The following SPEG variants were observed in gnomAD, a reference collection of about 807,000 sequenced individuals.
SPEG encodes the protein striated muscle enriched protein kinase.
Under a neutral mutation model 300.4 loss-of-function variants are expected in SPEG, and 114 were observed. The ratio of observed to expected loss-of-function variants is 0.38; its 90% CI spans 0.33 to 0.44. The LOEUF is 0.44. Among genes scored for constraint, SPEG ranks in the 20% least tolerant of loss-of-function variants. SPEG has a pLI of 1.00. For synonymous variants in SPEG, 1,964 were observed against 2,018.9 expected (o/e 0.97, Z 0.73); for missense variants, 4,201 against 4,586.2 (o/e 0.92, Z 2.43).
intron 3 of SPEG, among the ~76,000 whole-genome samples, chr2:219,447,299 CG>C (rs920144395): frequency 6.6e-6 from 1 of 151,992 alleles, no homozygotes; most frequent in African/African-American, 2.4e-5. Flanking sequence ...AAAGGCCTAT[CG>C]GGGGGCAGAC....
chr2:219,486,657 C>T (rs6726806), intron 31 of SPEG, among the ~76,000 whole-genome samples: 39,559 of 152,104 alleles, frequency 0.26, 5,287 homozygotes, highest in South Asian at 0.44. Flanking sequence ...GCAGTGTCCC[C>T]TTACCTCATC....
chr2:219,466,521 A>G (rs1575115319), intron 9 of SPEG: 1 of 1,091,458 alleles, frequency 9.2e-7, no homozygotes, highest in East Asian at 6.9e-5. Flanking sequence ...GAGGGGCCCA[A>G]GGAGCAGGGG....
rs1461783234 is a variant in SPEG, at chr2:219,459,014, GA to G, written c.2441-2865del. ...TTGTGAGAACACATCAGGGGACGCT[GA>G]AACAGTTGGGGTCGGTGGATGTGCT... On this transcript the variant is annotated intron_variant, in intron 6 of 40. Coordinates refer to ENST00000312358, the MANE Select transcript of SPEG (RefSeq NM_005876.5). The surrounding 1 kb of genome is among the most constrained non-coding windows in gnomAD (Gnocchi z 4.9). Among the ~76,000 whole-genome samples, 1 of 152,230 alleles carries G rather than the reference GA, an allele frequency of 6.6e-6. No individual in the cohort carries two copies. The highest frequency in any genetic ancestry group is 1.5e-5 in the Non-Finnish European group (1 of 68,040).
Position 219,473,486 on chromosome 2 carries a change from G to T in SPEG, c.4148-18G>T. Reference sequence around the variant, plus strand: ...TGATGTCAAGCCCAGCACAGAGCCTGCGCTCTCCTCCTCCCAGGCCCAACC... The same window carrying T: ...TGATGTCAAGCCCAGCACAGAGCCTTCGCTCTCCTCCTCCCAGGCCCAACC... On this transcript the variant is annotated intron_variant, in intron 16 of 40. Coordinates refer to ENST00000312358, the MANE Select transcript of SPEG (RefSeq NM_005876.5). This position sits in a 1 kb window ranked among gnomAD's most constrained non-coding sequence, Gnocchi z 4.6. The T allele has an allele frequency of 1.2e-6, 2 of 1,613,108 alleles. No homozygotes were observed. The highest frequency in any genetic ancestry group is 1.7e-6 in the Non-Finnish European group (2 of 1,179,640).
At chr2:219,460,334 T>G in intron 6 of SPEG, 1 of 985,434 alleles carries the variant, frequency 1.0e-6, no homozygotes, top group Non-Finnish European at 1.2e-6. Flanking sequence ...GCCCTGGCTC[T>G]GTAGTATTTG....
rs779215975 is a variant in SPEG, at chr2:219,485,388, G to T, written c.7652G>T (p.Arg2551Leu). 6.2e-7 allele frequency: 1 copy of T among 1,607,604 alleles called. No homozygotes were observed. Among genetic ancestry groups the T allele is most frequent in the Non-Finnish European group, 8.5e-7 (1 of 1,177,430 alleles). Residue 2551 changes from arginine (R) to leucine (L), a missense_variant, in exon 31 of 41, where the codon CGG becomes CTG. Around this residue, in one of 4 missense-constraint regions of SPEG, gnomAD observed 1,578 missense variants for 1,506.0 expected, o/e 1.05. Transcript: ENST00000312358. Reference sequence around the variant, plus strand: ...AGCCGGCTCCGCTGGGGCTTCTCTCGGCCGCGGAAGGACAAGGGGTTATCG... The same window carrying T: ...AGCCGGCTCCGCTGGGGCTTCTCTCTGCCGCGGAAGGACAAGGGGTTATCG... ...SRSRLRWGFS[R>L]PRKDKGLSPP... is the part of the protein sequence containing the mutation.
chr2:219,477,115 GGACT>G lies in SPEG; in HGVS notation c.4560+138_4560+141del. 1 of 1,000,718 alleles carries G rather than the reference GGACT, an allele frequency of 1.0e-6. No homozygotes were observed. The highest frequency in any genetic ancestry group is 1.5e-6 in the Non-Finnish European group (1 of 689,628). 62.0% of individuals were successfully genotyped at this position (1,000,718 alleles called of 1,614,324 possible). A position where few individuals can be genotyped will look rare whatever the true frequency, so the allele number is the denominator to read the frequency against. ...TTAGGAGGAGGAAAGGGGCTGCAGA[GGACT>G]GACTAGCTGAGGGGTGCAGGGCTTT... On this transcript the variant is annotated intron_variant, in intron 19 of 40. Transcript: ENST00000312358. The surrounding 1 kb of genome is among the most constrained non-coding windows in gnomAD (Gnocchi z 6.4).
At chr2:219,475,902 C>CG (rs1456136381) in intron 18 of SPEG, among the ~76,000 whole-genome samples, 1 of 152,172 alleles carries the variant, frequency 6.6e-6, no homozygotes, top group East Asian at 1.9e-4. Context: ...TCCCCACCCC[C>CG]GGGATGGCCT....
chr2:219,465,588 AC>A, intron 9 of SPEG: 1 of 194,460 alleles, frequency 5.1e-6, no homozygotes, highest in South Asian at 9.9e-5. Flanking sequence ...TCCTTCCGAC[AC>A]CCCCAGGCTT....
rs150186936 is a variant in SPEG at position 219,486,867 on chromosome 2, G to A, written c.7742-1327G>A. Among the ~76,000 whole-genome samples, 1,047 of 152,240 alleles carry A rather than the reference G, an allele frequency of 6.9e-3. 6 individuals carry two copies. The highest frequency in any genetic ancestry group is 0.011 in the South Asian group (54 of 4,820). ...GCCTGGAGGCAGCCATTGAGAAACT[G>A]TGTTCACATTGCCTTGTTGGAACCT... On this transcript the variant is annotated intron_variant, in intron 31 of 40. Transcript: ENST00000312358.
intron 18 of SPEG, among the ~76,000 whole-genome samples, chr2:219,476,213 G>T (rs1692328356): frequency 7.2e-6 from 1 of 139,014 alleles, no homozygotes; most frequent in African/African-American, 2.7e-5. Flanking sequence ...TCCATTTCTA[G>T]ATGGTTTGGT....
chr2:219,451,931 G>A lies in SPEG; in HGVS notation c.2440+124G>A. The A allele has an allele frequency of 2.0e-6, 2 of 982,938 alleles. No homozygotes were observed. The highest frequency in any genetic ancestry group is 2.9e-6 in the Non-Finnish European group (2 of 698,236). 60.9% of individuals were successfully genotyped at this position (982,938 alleles called of 1,614,324 possible). On this transcript the variant is annotated intron_variant, in intron 6 of 40. Coordinates refer to ENST00000312358, the MANE Select transcript of SPEG (RefSeq NM_005876.5). The surrounding 1 kb of genome is among the most constrained non-coding windows in gnomAD (Gnocchi z 6.4). ...CTTGGGCACCCCGCCAGCATACTTA[G>A]TCCATGCAGTCCCTTCTGGGTGTCG...
rs550025279 is a variant in SPEG, at chr2:219,484,765, G to A, written c.7302G>A (p.Gly2434=). The A allele has an allele frequency of 8.1e-5, 118 of 1,461,508 alleles. No individual in the cohort carries two copies. In the African/African-American group the frequency reaches 1.5e-3, roughly 19 times the overall value. 90.5% of individuals were successfully genotyped at this position (1,461,508 alleles called of 1,614,324 possible). ...QRHPAWEARG[G]DGESSEGGSS... ...ACCCGGCCTGGGAGGCCCGCGGCGG[G>A]GACGGAGAGAGCTCGGAGGGCGGGA... Residue 2434 remains glycine, a synonymous_variant, in exon 30 of 41, where the codon GGG becomes GGA. Coordinates refer to ENST00000312358, the MANE Select transcript of SPEG (RefSeq NM_005876.5).
rs1407563777 is a variant in SPEG, at chr2:219,490,663, T to C, written c.9161+15T>C. 6.2e-7 allele frequency: 1 copy of C among 1,608,876 alleles called. No homozygotes were observed. The highest frequency in any genetic ancestry group is 1.1e-5 in the South Asian group (1 of 91,014). ...CTCAGTGACAGGTAGCTGGGAATTC[T>C]AGGGGAGTAGGGAGGAAGAGGTAGG... On this transcript the variant is annotated intron_variant, in intron 37 of 40. Transcript: ENST00000312358.
chr2:219,480,551 T>C lies in SPEG; in HGVS notation c.5343-120T>C, dbSNP rs971480961. 4.0e-6 allele frequency: 4 copies of C among 1,012,482 alleles called. No homozygotes were observed. Among genetic ancestry groups the C allele is most frequent in the East Asian group, 2.4e-5 (1 of 42,024 alleles). 62.7% of individuals were successfully genotyped at this position (1,012,482 alleles called of 1,614,324 possible). The stretch of plus-strand genomic sequence containing the variant: ...CCTGAAGAAGCCACTCCTGTGCCCA[T>C]TGTCCATGGCAGTGTTCCCAGGGAG... On this transcript the variant is annotated intron_variant, in intron 25 of 40. Transcript: ENST00000312358. The surrounding 1 kb of genome is among the most constrained non-coding windows in gnomAD (Gnocchi z 5.3).
intron 31 of SPEG, among the ~76,000 whole-genome samples, chr2:219,486,263 G>A (rs1426998412): frequency 6.6e-6 from 1 of 152,248 alleles, no homozygotes; most frequent in Non-Finnish European, 1.5e-5. Flanking sequence ...ACTCAAGGAC[G>A]ACAAGCAAAG....
rs756454882 is a variant in SPEG, at chr2:219,485,295, G to T, written c.7610-51G>T. On this transcript the variant is annotated intron_variant, in intron 30 of 40. Transcript: ENST00000312358. ...TGGGCTGAGGGCTGCAGAGAGGTGG[G>T]AACTTGCTGGTACTGACTGAACAAA... The T allele has an allele frequency of 3.2e-6, 5 of 1,568,738 alleles. No individual in the cohort carries two copies. The East Asian group carries it at 1.2e-4, about 36-fold the overall frequency.
Position 219,451,858 on chromosome 2 carries a change from C to G in SPEG, c.2440+51C>G, listed in dbSNP as rs1392261734. ...TGGGTGGGGGCAAGCCGTGACTCTC[C>G]CCTGGCCCAGGCCCCAGTCCACCTC... is the stretch of plus-strand genomic sequence containing the variant. On this transcript the variant is annotated intron_variant, in intron 6 of 40. Coordinates refer to ENST00000312358, the MANE Select transcript of SPEG (RefSeq NM_005876.5). The surrounding 1 kb of genome is among the most constrained non-coding windows in gnomAD (Gnocchi z 6.4). The G allele has an allele frequency of 6.8e-7, 1 of 1,461,956 alleles. No individual in the cohort carries two copies. The highest frequency in any genetic ancestry group is 9.1e-7 in the Non-Finnish European group (1 of 1,095,660). 90.6% of individuals were successfully genotyped at this position (1,461,956 alleles called of 1,614,324 possible).
Position 219,466,000 on chromosome 2 carries a change from T to C in SPEG, c.2882-1174T>C, listed in dbSNP as rs1024378000. ...GTGCATGTGTGTGTGTGCGCGTGCG[T>C]GCGCGTATGCTGCACTAACCTGCCG... On this transcript the variant is annotated intron_variant, in intron 9 of 40. Transcript: ENST00000312358. 8.1e-6 allele frequency: 12 copies of C among 1,482,314 alleles called. No homozygotes were observed. In the African/African-American group the frequency reaches 9.5e-5, roughly 12 times the overall value. 91.8% of individuals were successfully genotyped at this position (1,482,314 alleles called of 1,614,324 possible).
Sources: allele counts gnomAD v4.1 joint callset (sites outside exome capture counted in the v4.1 genomes callset), GRCh38; gene constraint gnomAD v4.1.1; regional missense constraint gnomAD v4.1.1; non-coding constraint Gnocchi (gnomAD v3.1); transcripts MANE v1.5; gene names NCBI Gene and HGNC (gene_info 2026-07-23, HGNC 2026-07-21).